Variants in ADSL observed in about 807,000 individuals in gnomAD.
ADSL encodes the protein adenylosuccinase.
In ADSL, 44 loss-of-function variants were observed where a neutral mutation model predicts 62.1. The observed-to-expected ratio is 0.71, with a 90% confidence interval of 0.56 to 0.91. The LOEUF (loss-of-function observed/expected upper bound fraction) is 0.91, where lower values mean the gene tolerates loss of function less well. Ranked by LOEUF, ADSL falls within the 40% of genes least tolerant of loss-of-function variation. ADSL has a pLI of 0.00. For missense variants in ADSL, 531 were observed against 627.4 expected (o/e 0.85, Z 1.64); for synonymous variants, 198 against 220.5 (o/e 0.90, Z 0.90).
rs1343679873 is a variant in ADSL at position 40,368,799 on chromosome 22, C to T, written c.*2277C>T. The stretch of plus-strand genomic sequence containing the variant: ...ATCAACCGGGCGTGGTGGCAGGCGC[C>T]TATAGTCCCAGCTACTTGGGAGGCT... On this transcript the variant is annotated 3_prime_UTR_variant, in exon 13 of 13. Coordinates refer to ENST00000623063, the MANE Select transcript of ADSL (RefSeq NM_000026.4). 5 of 151,858 alleles carry T rather than the reference C, an allele frequency of 3.3e-5. No individual in the cohort carries two copies. Among genetic ancestry groups the T allele is most frequent in the Non-Finnish European group, 5.9e-5 (4 of 67,998 alleles). The allele number at this position is 151,858 out of a possible 1,614,324, so 9.4% of individuals were successfully genotyped here. A position where few individuals can be genotyped will look rare whatever the true frequency, so the allele number is the denominator to read the frequency against.
chr22:40,349,864 C>A lies in ADSL; in HGVS notation c.186C>A (p.Ile62=). 1 of 1,614,100 alleles carries A rather than the reference C, an allele frequency of 6.2e-7. No individual in the cohort carries two copies. The highest frequency in any genetic ancestry group is 1.1e-5 in the South Asian group (1 of 91,086). ...GTTTGCCTATCACAGATGAACAAAT[C>A]CAGGAGATGAAATCAAACCTGGAGA... ...TLGLPITDEQ[I]QEMKSNLENI... The change falls in exon 2 of 13, where the codon ATC becomes ATA. Residue 62 remains isoleucine (I), a synonymous_variant. Transcript: ENST00000623063.
Position 40,358,939 on chromosome 22 carries a change from G to A in ADSL, c.558G>A (p.Leu186=), listed in dbSNP as rs1555907486. The A allele has an allele frequency of 6.2e-7, 1 of 1,614,184 alleles. No individual in the cohort carries two copies. Among genetic ancestry groups the A allele is most frequent in the Non-Finnish European group, 8.5e-7 (1 of 1,180,034 alleles). ...IQDLCMDLQN[L]KRVRDDLRFR... ...ATCTTTGCATGGATCTCCAGAACTTGAAGCGTGTCCGAGATGACCTGCGCT... is the reference window on the plus strand; with the variant it reads ...ATCTTTGCATGGATCTCCAGAACTTAAAGCGTGTCCGAGATGACCTGCGCT... The change falls in exon 5 of 13, where the codon TTG becomes TTA. Residue 186 remains leucine (L), a synonymous_variant. Transcript: ENST00000623063.
chr22:40,373,714 C>T (rs889995572), downstream of ADSL, among the ~76,000 whole-genome samples: 2 of 150,114 alleles, frequency 1.3e-5, no homozygotes, highest in African/African-American at 2.5e-5. Context: ...CTCCCGAGTT[C>T]AAGCAGTTCT....
chr22:40,354,508 T>TCC (rs1197189675), intron 4 of ADSL, among the ~76,000 whole-genome samples, 181 bp downstream of exon 4: 2 of 152,182 alleles, frequency 1.3e-5, no homozygotes, highest in African/African-American at 4.8e-5. Context: ...TAACAGTTCA[T>TCC]TTGGGAAACA....
Position 40,360,463 on chromosome 22 carries a change from C to T in ADSL, c.763C>T (p.Leu255=), listed in dbSNP as rs771049726. The T allele has an allele frequency of 4.1e-5, 66 of 1,613,962 alleles. No individual in the cohort carries two copies. The highest frequency in any genetic ancestry group is 5.4e-5 in the Non-Finnish European group (64 of 1,179,976). The change falls in exon 7 of 13, where the codon CTG becomes TTG. Residue 255 remains leucine, a synonymous_variant. Coordinates refer to ENST00000623063, the MANE Select transcript of ADSL (RefSeq NM_000026.4). ...RKVDIEVLSV[L]ASLGASVHKI... ...AGTGGATATTGAAGTACTGTCTGTGCTGGCTAGCTTGGGGGCATCAGTGCA... is the reference window on the plus strand; with the variant it reads ...AGTGGATATTGAAGTACTGTCTGTGTTGGCTAGCTTGGGGGCATCAGTGCA...
rs753245184 is a variant in ADSL, at chr22:40,358,968, G to T, written c.587G>T (p.Arg196Leu). ...LKRVRDDLRF[R>L]GVKGTTGTQA... is the part of the protein sequence containing the mutation. ...CGTGTCCGAGATGACCTGCGCTTCC[G>T]GGGAGTAAAGGGTACCACTGGCACT... Residue 196 changes from arginine (R) to leucine (L), a missense_variant, in exon 5 of 13, where the codon CGG becomes CTG. Physicochemically the swap from Arg to Leu is moderately radical, Grantham distance 102. Transcript: ENST00000623063. 1.9e-6 allele frequency: 3 copies of T among 1,614,108 alleles called. No homozygotes were observed. Among genetic ancestry groups the T allele is most frequent in the South Asian group, 1.1e-5 (1 of 91,066 alleles).
intron 4 of ADSL, among the ~76,000 whole-genome samples, chr22:40,358,624 G>A (rs1300839380): frequency 1.3e-5 from 2 of 152,128 alleles, no homozygotes; most frequent in Non-Finnish European, 2.9e-5. Context: ...GATGAAGAAA[G>A]TACTATGCTA....
chr22:40,364,099 C>T (rs148704473), intron 10 of ADSL, among the ~76,000 whole-genome samples, 177 bp from the exon 11 acceptor site: 62 of 151,888 alleles, frequency 4.1e-4, no homozygotes, highest in Non-Finnish European at 7.5e-4. Flanking sequence ...AAAAAAAAAT[C>T]CGAAGTCTGA....
At chr22:40,353,290 T>G (rs955066739) in intron 3 of ADSL, 173 bp downstream of exon 3, 1 of 708,850 alleles carries the variant, frequency 1.4e-6, no homozygotes, top group Non-Finnish European at 2.6e-6. Context: ...TTCTCCTTTC[T>G]TCTTCTCTTC....
chr22:40,364,808 A>T (rs1277004077), intron 11 of ADSL, 72 bp from the exon 12 acceptor site: 1 of 1,500,968 alleles, frequency 6.7e-7, no homozygotes, highest in Non-Finnish European at 9.3e-7. Context: ...GATGGGAAGT[A>T]TCTGATGACT....
chr22:40,384,626 A>G (rs1336586170), intron 2 of ADSL, among the ~76,000 whole-genome samples: 1 of 152,078 alleles, frequency 6.6e-6, no homozygotes, highest in Non-Finnish European at 1.5e-5. Context: ...TAAAAATACA[A>G]AAAATTAGCT....
At chr22:40,364,238 G>A (rs1961647987) in intron 10 of ADSL, 38 bp from the exon 11 acceptor site, 1 of 1,580,646 alleles carries the variant, frequency 6.3e-7, no homozygotes, top group Non-Finnish European at 8.7e-7. Context: ...TAACCTTGAG[G>A]CACCTTTCTT....
chr22:40,360,882 G>A (rs1163202815), intron 7 of ADSL, among the ~76,000 whole-genome samples: 1 of 152,042 alleles, frequency 6.6e-6, no homozygotes, highest in African/African-American at 2.4e-5. Context: ...GCTAATTTTA[G>A]TAGAGGCAGG....
In ADSL at chr22:40,349,791, T is replaced by C. The variant is rs1479308438; in HGVS notation, c.154-41T>C. On this transcript the variant is annotated intron_variant, in intron 1 of 12. Transcript: ENST00000623063. ...TGGTGTCACTTCATTCAAATAACTG[T>C]GACACTGAGACTATTTTATTTTATT... The C allele has an allele frequency of 7.7e-6, 12 of 1,564,850 alleles. No individual in the cohort carries two copies. The East Asian group carries it at 2.7e-4, about 35-fold the overall frequency.
chr22:40,368,363 T>C lies in ADSL; in HGVS notation c.*1841T>C, dbSNP rs557122879. 3 of 152,298 alleles carry C rather than the reference T, an allele frequency of 2.0e-5. No homozygotes were observed. In the South Asian group the frequency reaches 6.2e-4, roughly 32 times the overall value. The allele number at this position is 152,298 out of a possible 1,614,324, so 9.4% of individuals were successfully genotyped here. ...ATTTAAAAGTAGCCAGGAAATCAGG[T>C]TGCGATGATGCGCATTTACAGTCCC... On this transcript the variant is annotated 3_prime_UTR_variant, in exon 13 of 13. Transcript: ENST00000623063.
rs1376448837 is a variant in ADSL, at chr22:40,362,978, T to C, written c.1011-3T>C. ...ACATACTGAATGGCTATTTGTTTTC[T>C]AGACGGATCTGTTTGGCCGAGGCAT... On this transcript the variant is annotated splice_polypyrimidine_tract_variant and splice_region_variant and intron_variant, in intron 9 of 12. Transcript: ENST00000623063. 2 of 1,612,686 alleles carry C rather than the reference T, an allele frequency of 1.2e-6. No individual in the cohort carries two copies. Among genetic ancestry groups the C allele is most frequent in the Admixed American group, 3.3e-5 (2 of 60,024 alleles).
chr22:40,361,116 A>C lies in ADSL; in HGVS notation c.793-157A>C. ...TTCGGGAACAGAGAGGAGTCGGAGT[A>C]AGATACTCTGCAGGAGCTCTTTGGG... On this transcript the variant is annotated intron_variant, in intron 7 of 12. Coordinates refer to ENST00000623063, the MANE Select transcript of ADSL (RefSeq NM_000026.4). 2 of 778,698 alleles carry C rather than the reference A, an allele frequency of 2.6e-6. 1 individual carries two copies. The highest frequency in any genetic ancestry group is 2.7e-5 in the South Asian group (2 of 73,514). 48.2% of individuals were successfully genotyped at this position (778,698 alleles called of 1,614,324 possible).
chr22:40,361,312 A>T lies in ADSL; in HGVS notation c.832A>T (p.Met278Leu). ...DIRLLANLKE[M>L]EEPFEKQQIG... ...ACGCCTCCTGGCAAACCTCAAGGAG[A>T]TGGAGGAACCCTTTGAAAAACAGCA... is the stretch of plus-strand genomic sequence containing the variant. The change falls in exon 8 of 13, where the codon ATG (methionine) becomes TTG (leucine). Residue 278 changes from methionine (M) to leucine (L), a missense_variant. By Grantham distance (15) the Met-to-Leu change is conservative. Coordinates refer to ENST00000623063, the MANE Select transcript of ADSL (RefSeq NM_000026.4). 2 of 1,614,082 alleles carry T rather than the reference A, an allele frequency of 1.2e-6. No homozygotes were observed. The highest frequency in any genetic ancestry group is 1.3e-5 in the African/African-American group (1 of 75,018).
At position 40,354,928 on chromosome 22, in the gene ADSL, A is replaced by G. The variant is rs575513523; in HGVS notation, c.482+601A>G. Among the ~76,000 whole-genome samples the G allele has an allele frequency of 3.9e-5, 6 of 152,262 alleles. No individual in the cohort carries two copies. In the South Asian group the frequency reaches 1.2e-3, roughly 31 times the overall value. On this transcript the variant is annotated intron_variant, in intron 4 of 12. Transcript: ENST00000623063. ...AATAATAAGAGAATAAGTAAGGCAT[A>G]GTATTCATACATCCATAGGTTGGAA...
Sources: gnomAD v4.1 joint callset for allele counts (sites outside exome capture counted in the v4.1 genomes callset) on GRCh38, gnomAD v4.1.1 for gene constraint, MANE v1.5 for transcripts, NCBI Gene and HGNC (gene_info 2026-07-23, HGNC 2026-07-21) for gene names.